CHD7: variants seen among roughly 807,000 people sequenced by gnomAD.
The protein encoded by CHD7 is chromodomain helicase DNA binding protein 7, also known as ATP-dependent chromatin remodeler CHD7.
In CHD7, 24 loss-of-function variants were observed where a neutral mutation model predicts 307.3. That is an observed-to-expected ratio of 0.08 (90% CI 0.06 to 0.11). CHD7 has a LOEUF of 0.11. CHD7 is among the 10% of genes least tolerant of loss of function. The pLI is 1.00. For missense variants in CHD7, 3,106 were observed against 3,727.1 expected, an observed-to-expected ratio of 0.83 and a Z score of 4.34; for synonymous variants, 1,363 against 1,349.9, an observed-to-expected ratio of 1.01 and a Z score of -0.21.
chr8:60,830,266 T>C, intron 14 of CHD7, 56 bp from the exon 15 acceptor site: 9 of 1,525,000 alleles, frequency 5.9e-6, no homozygotes, highest in Non-Finnish European at 8.0e-6. Flanking sequence ...TGTTAAAATA[T>C]GTTTTAACTT....
intron 35 of CHD7, 106 bp from the exon 36 acceptor site, chr8:60,862,090 A>G (rs1806004296): frequency 1.1e-6 from 1 of 871,914 alleles, no homozygotes; most frequent in Non-Finnish European, 1.7e-6. Context: ...TGATTCTTGA[A>G]ACTTCCATAA....
chr8:60,859,632 A>G lies in CHD7; in HGVS notation c.7609-1272A>G, dbSNP rs149271400. 1.8e-4 allele frequency among the ~76,000 whole-genome samples: 28 copies of G among 152,334 alleles called. No homozygotes were observed. In the East Asian group the frequency reaches 3.9e-3, roughly 21 times the overall value. ...TTTCCCTATGGATGGCTGTACTTCA[A>G]TTAAGTTTTGAAGATCATGTAGTAG... On this transcript the variant is annotated intron_variant, in intron 34 of 37. Transcript: ENST00000423902.
intron 1 of CHD7, among the ~76,000 whole-genome samples, chr8:60,728,888 G>A (rs1369673998): frequency 6.6e-6 from 1 of 152,108 alleles, no homozygotes. Context: ...TGTTATAGGG[G>A]TTTGTTGTAC....
intron 2 of CHD7, among the ~76,000 whole-genome samples, chr8:60,772,751 G>C (rs974198860): frequency 6.6e-6 from 1 of 152,180 alleles, no homozygotes; most frequent in East Asian, 1.9e-4. Context: ...AAGAGAGAAG[G>C]GAGAGAATGA....
At chr8:60,808,347 T>G in intron 7 of CHD7, 75 bp downstream of exon 7, 1 of 931,728 alleles carries the variant, frequency 1.1e-6, no homozygotes, top group East Asian at 2.6e-5. Context: ...TTTTTTAAAG[T>G]TGGGAAATTA....
At position 60,742,532 on chromosome 8, in the gene CHD7, T is replaced by A. The variant is rs773444032; in HGVS notation, c.1100T>A (p.Ile367Asn). ...CAAGGACTAATGCACCAGCAGCCCA[T>A]CCACCCCAGTGGCTCACTTAACCAA... Reference protein sequence around the residue: ...SGQGLMHQQPIHPSGSLNQMN... With the variant: ...SGQGLMHQQPNHPSGSLNQMN... Residue 367 changes from isoleucine to asparagine, a missense_variant, in exon 2 of 38, where the codon ATC becomes AAC. Around this residue, in one of 10 missense-constraint regions of CHD7, gnomAD observed 998 missense variants for 1,004.5 expected, o/e 0.99. Coordinates refer to ENST00000423902, the MANE Select transcript of CHD7 (RefSeq NM_017780.4). 1 of 1,613,850 alleles carries A rather than the reference T, an allele frequency of 6.2e-7. No homozygotes were observed. Among genetic ancestry groups the A allele is most frequent in the Non-Finnish European group, 8.5e-7 (1 of 1,179,894 alleles).
Position 60,781,115 on chromosome 8 carries a change from C to G in CHD7, c.1781C>G (p.Pro594Arg). ...DDYLPSIEQQ[P>R]QQKKKKKKNN... ...TACCTGCCATCAATAGAACAGCAGC[C>G]ACAACAAAAGAAGAAGAAAAAGAAA... Residue 594 changes from proline to arginine, a missense_variant, in exon 3 of 38, where the codon CCA (proline) becomes CGA (arginine). Pro to Arg is a moderately radical substitution (Grantham distance 103, BLOSUM62 -2). Around this residue, in one of 10 missense-constraint regions of CHD7, gnomAD observed 998 missense variants for 1,004.5 expected, o/e 0.99. Coordinates refer to ENST00000423902, the MANE Select transcript of CHD7 (RefSeq NM_017780.4). 6.2e-7 allele frequency: 1 copy of G among 1,610,692 alleles called. No homozygotes were observed. The highest frequency in any genetic ancestry group is 8.5e-7 in the Non-Finnish European group (1 of 1,178,488).
intron 2 of CHD7, among the ~76,000 whole-genome samples, chr8:60,764,290 G>C (rs1008504931): frequency 2.0e-5 from 3 of 152,062 alleles, no homozygotes; most frequent in Admixed American, 1.3e-4. Context: ...TGCCTGGCCT[G>C]ACAGAAATAT....
In CHD7 at chr8:60,679,014, A is replaced by C. The variant is rs1237468933; in HGVS notation, c.-243A>C. The C allele has an allele frequency of 6.6e-6, 1 of 150,900 alleles. No individual in the cohort carries two copies. Among genetic ancestry groups the C allele is most frequent in the African/African-American group, 2.4e-5 (1 of 41,186 alleles). The allele number at this position is 150,900 out of a possible 1,614,324, so 9.3% of individuals were successfully genotyped here. ...GCCCCCTGGCCGCAGCTGCCGAGCC[A>C]ACTCCGGAGCCCGCTCTGCGTTTTG... On this transcript the variant is annotated 5_prime_UTR_variant, in exon 1 of 38. Coordinates refer to ENST00000423902, the MANE Select transcript of CHD7 (RefSeq NM_017780.4).
intron 1 of CHD7, among the ~76,000 whole-genome samples, chr8:60,702,872 G>C (rs957349338): frequency 2.0e-5 from 3 of 152,332 alleles, no homozygotes; most frequent in African/African-American, 7.2e-5. Context: ...GTTAGCTGGG[G>C]CCATATGTTT....
intron 1 of CHD7, 57 bp downstream of exon 1, chr8:60,679,139 A>G (rs1586147691): frequency 1.3e-5 from 2 of 157,770 alleles, no homozygotes; most frequent in Non-Finnish European, 2.7e-5. Flanking sequence ...CGGCGGCGGC[A>G]GGAAATCGCT....
At chr8:60,735,041 GGA>G (rs912662690) in intron 1 of CHD7, among the ~76,000 whole-genome samples, 1 of 152,162 alleles carries the variant, frequency 6.6e-6, no homozygotes, top group African/African-American at 2.4e-5. Flanking sequence ...TAAATATCTG[GGA>G]GAGAGCATTA....
chr8:60,798,868 TATTA>T (rs1162296272), intron 4 of CHD7, among the ~76,000 whole-genome samples: 1 of 152,222 alleles, frequency 6.6e-6, no homozygotes, highest in Non-Finnish European at 1.5e-5. Context: ...TATTTCTCCT[TATTA>T]ATTAGCTTCC....
At chr8:60,823,390 TATATATAGATAGATAG>T (rs1397371062) in intron 12 of CHD7, among the ~76,000 whole-genome samples, 11 of 109,936 alleles carry the variant, frequency 1.0e-4, no homozygotes, top group African/African-American at 4.6e-4. Context: ...ATGTTTTTGC[TATATATAGATAGATAG>T]ATAGATAGAT....
rs1248790318 is a variant in CHD7 at position 60,678,776 on chromosome 8, G to GGCGGCGGCGGCGGCGGCGGCA, written c.-467_-466insGGCGGCAGCGGCGGCGGCGGC. 7.0e-5 allele frequency: 10 copies of GGCGGCGGCGGCGGCGGCGGCA among 143,530 alleles called. No homozygotes were observed. Among genetic ancestry groups the GGCGGCGGCGGCGGCGGCGGCA allele is most frequent in the East Asian group, 4.2e-4 (2 of 4,780 alleles). 8.9% of individuals were successfully genotyped at this position (143,530 alleles called of 1,614,324 possible). On this transcript the variant is annotated 5_prime_UTR_variant, in exon 1 of 38. Coordinates refer to ENST00000423902, the MANE Select transcript of CHD7 (RefSeq NM_017780.4). The stretch of plus-strand genomic sequence containing the variant: ...GGCGTGCTGGGGCCGCGGCGGCGGC[G>GGCGGCGGCGGCGGCGGCGGCA]GCGGCGGCGGCGGCAGCGGCGGCGG...
intron 1 of CHD7, among the ~76,000 whole-genome samples, chr8:60,682,959 C>T (rs1010261910): frequency 2.0e-5 from 3 of 152,114 alleles, no homozygotes; most frequent in African/African-American, 7.2e-5. Flanking sequence ...AGTCACATAG[C>T]TAAAATCACC....
intron 14 of CHD7, among the ~76,000 whole-genome samples, chr8:60,829,679 T>C (rs1804414029): frequency 6.6e-6 from 1 of 152,216 alleles, no homozygotes; most frequent in Non-Finnish European, 1.5e-5. Context: ...TTATAATTTG[T>C]GTGCTGTATT....
At position 60,853,520 on chromosome 8, in the gene CHD7, C is replaced by G. The variant is rs1197302721; in HGVS notation, c.6775+20C>G. ...CCGAAGGTAAGGCCTTACCACTGGC[C>G]CCTCTCCTGACCCTGCAGCAGCTGG... On this transcript the variant is annotated intron_variant, in intron 31 of 37. Coordinates refer to ENST00000423902, the MANE Select transcript of CHD7 (RefSeq NM_017780.4). The G allele has an allele frequency of 2.0e-6, 3 of 1,495,612 alleles. No homozygotes were observed. The highest frequency in any genetic ancestry group is 2.7e-6 in the Non-Finnish European group (3 of 1,122,910). 92.6% of individuals were successfully genotyped at this position (1,495,612 alleles called of 1,614,324 possible). A position where few individuals can be genotyped will look rare whatever the true frequency, so the allele number is the denominator to read the frequency against.
chr8:60,831,865 C>G (rs1804532785), intron 15 of CHD7, among the ~76,000 whole-genome samples: 1 of 152,068 alleles, frequency 6.6e-6, no homozygotes, highest in South Asian at 2.1e-4. Context: ...AATCTTTCCC[C>G]TTTTAATAAC....
Sources: allele counts gnomAD v4.1 joint callset (sites outside exome capture counted in the v4.1 genomes callset), GRCh38; gene constraint gnomAD v4.1.1; regional missense constraint gnomAD v4.1.1; transcripts MANE v1.5; gene names NCBI Gene and HGNC (gene_info 2026-07-23, HGNC 2026-07-21).